ATF2: variants seen among roughly 807,000 people sequenced by gnomAD.
ATF2 encodes the protein cyclic AMP-dependent transcription factor ATF-2.
Under a neutral mutation model 60.6 loss-of-function variants are expected in ATF2, and 24 were observed. The ratio of observed to expected loss-of-function variants is 0.40; its 90% CI spans 0.29 to 0.56. The LOEUF is 0.56. Ranked by LOEUF, ATF2 falls within the 20% of genes least tolerant of loss-of-function variation. The pLI, the probability that ATF2 is intolerant of heterozygous loss-of-function variation, is 0.54. For missense variants in ATF2, 433 were observed against 607.7 expected (o/e 0.71, Z 3.02); for synonymous variants, 206 against 215.4 (o/e 0.96, Z 0.38).
intron 11 of ATF2, among the ~76,000 whole-genome samples, chr2:175,096,317 A>G (rs1179040318): frequency 6.6e-6 from 1 of 152,218 alleles, no homozygotes; most frequent in Admixed American, 6.5e-5. Context: ...AGGGGTCTCT[A>G]GTATAAATAG....
chr2:175,141,300 A>C (rs1223686328), intron 2 of ATF2, among the ~76,000 whole-genome samples: 1 of 151,478 alleles, frequency 6.6e-6, no homozygotes, highest in Non-Finnish European at 1.5e-5. Flanking sequence ...CACATCCTAC[A>C]AAAACTCAGC....
intron 2 of ATF2, among the ~76,000 whole-genome samples, chr2:175,144,092 T>C (rs56964914): frequency 0.096 from 14,542 of 152,144 alleles, 774 homozygotes; most frequent in Middle Eastern, 0.17. Context: ...CTGCACCTGA[T>C]TCTTTGCCCA....
chr2:175,096,639 G>A (rs1191688779), intron 11 of ATF2, among the ~76,000 whole-genome samples: 1 of 152,160 alleles, frequency 6.6e-6, no homozygotes, highest in Admixed American at 6.5e-5. Context: ...AATGGTTGTA[G>A]ATGGCAACAC....
chr2:175,094,916 T>C (rs924407115), intron 11 of ATF2, among the ~76,000 whole-genome samples: 3 of 152,132 alleles, frequency 2.0e-5, no homozygotes, highest in African/African-American at 7.2e-5. Flanking sequence ...GTACTCCGCA[T>C]GGGCAACAGA....
chr2:175,093,284 T>C lies in ATF2; in HGVS notation c.979-17A>G, dbSNP rs1200098231. ...TGGAGAAGCCTATTATAAACAGAGA[T>C]GAAAGCCTGTTATATTTGTATCTAG... On this transcript the variant is annotated splice_polypyrimidine_tract_variant and intron_variant, in intron 11 of 13. Transcript: ENST00000264110. The C allele has an allele frequency of 2.5e-6, 4 of 1,609,890 alleles. No homozygotes were observed. The highest frequency in any genetic ancestry group is 3.4e-6 in the Non-Finnish European group (4 of 1,177,252).
intron 10 of ATF2, among the ~76,000 whole-genome samples, chr2:175,102,597 C>A (rs1367095856): frequency 1.3e-5 from 2 of 151,934 alleles, no homozygotes; most frequent in Non-Finnish European, 2.9e-5. Context: ...GGTAAAACTC[C>A]ATTTCTACAA....
At chr2:175,082,879 T>C (rs897084133) in intron 12 of ATF2, among the ~76,000 whole-genome samples, 1 of 152,168 alleles carries the variant, frequency 6.6e-6, no homozygotes, top group Non-Finnish European at 1.5e-5. Context: ...TTAGAATGCA[T>C]AGGAAAGCAT....
chr2:175,150,111 G>A (rs1389283066), intron 2 of ATF2, among the ~76,000 whole-genome samples: 2 of 152,152 alleles, frequency 1.3e-5, no homozygotes, highest in African/African-American at 2.4e-5. Context: ...AGGTATCACA[G>A]AGTAAGAAAA....
chr2:175,106,724 T>C (rs1016011593), intron 10 of ATF2, among the ~76,000 whole-genome samples: 2 of 151,734 alleles, frequency 1.3e-5, no homozygotes, highest in African/African-American at 4.8e-5. Context: ...TAATCCCAGC[T>C]ACTCGGGAGG....
intron 2 of ATF2, among the ~76,000 whole-genome samples, chr2:175,144,492 G>T (rs889287042): frequency 2.6e-5 from 4 of 152,140 alleles, no homozygotes; most frequent in African/African-American, 9.7e-5. Context: ...ATGAATAGAA[G>T]AAAATGGAAG....
intron 1 of ATF2, among the ~76,000 whole-genome samples, chr2:175,158,498 A>G (rs1383681172): frequency 1.3e-5 from 2 of 152,110 alleles, no homozygotes; most frequent in East Asian, 3.9e-4. Context: ...TTTAAAATGG[A>G]TAACTTAAAA....
At chr2:175,125,876 C>T (rs1221895408) in intron 4 of ATF2, among the ~76,000 whole-genome samples, 1 of 152,126 alleles carries the variant, frequency 6.6e-6, no homozygotes, top group Non-Finnish European at 1.5e-5. Flanking sequence ...GGACCCCACT[C>T]CTGCAATGGT....
chr2:175,133,672 T>C (rs1304921800), intron 3 of ATF2, among the ~76,000 whole-genome samples: 2 of 152,132 alleles, frequency 1.3e-5, no homozygotes, highest in Non-Finnish European at 2.9e-5. Context: ...ATGAATTCTA[T>C]CTCACATTAT....
chr2:175,113,655 A>G (rs1379496089), intron 9 of ATF2, among the ~76,000 whole-genome samples: 1 of 152,136 alleles, frequency 6.6e-6, no homozygotes, highest in East Asian at 1.9e-4. Context: ...CCATACTAAT[A>G]GAAATACCAC....
intron 5 of ATF2, 134 bp from the exon 6 acceptor site, chr2:175,118,503 T>G (rs148798624): frequency 2.1e-5 from 15 of 699,568 alleles, no homozygotes; most frequent in Non-Finnish European, 3.2e-5. Flanking sequence ...CCTCTTCCTT[T>G]AAAACAAACA....
In ATF2 at chr2:175,122,302, AT is replaced by A. The variant is rs1326983646; in HGVS notation, c.103-763del. ...CAACATAATAAATGCATTATCTCCA[AT>A]GTCTGAACATCAACATTTTTGAAGA... On this transcript the variant is annotated intron_variant, in intron 4 of 13. Coordinates refer to ENST00000264110, the MANE Select transcript of ATF2 (RefSeq NM_001880.4). 3.3e-5 allele frequency among the ~76,000 whole-genome samples: 5 copies of A among 152,106 alleles called. No individual in the cohort carries two copies. The East Asian group carries it at 9.7e-4, about 29-fold the overall frequency.
At position 175,097,518 on chromosome 2, in the gene ATF2, A is replaced by G. The variant is rs1695013452; in HGVS notation, c.904T>C (p.Leu302=). 9 of 1,614,148 alleles carry G rather than the reference A, an allele frequency of 5.6e-6. No homozygotes were observed. The highest frequency in any genetic ancestry group is 1.6e-4 in the Middle Eastern group (1 of 6,062). The change falls in exon 11 of 14, where the codon TTG becomes CTG. Residue 302 remains leucine, a synonymous_variant. Coordinates refer to ENST00000264110, the MANE Select transcript of ATF2 (RefSeq NM_001880.4). ...GDTVKGHGSG[L]VRTQSEESRP... is the part of the protein sequence containing the mutation. ...GATTCCTCTGACTGAGTCCTAACCA[A>G]TCCGCTACCATGACCTTTGACAGTA...
chr2:175,119,184 CTT>C (rs1243676788), intron 5 of ATF2, among the ~76,000 whole-genome samples: 1 of 151,616 alleles, frequency 6.6e-6, no homozygotes, highest in African/African-American at 2.4e-5. Context: ...AAGCAAGAAA[CTT>C]ATAAATTCTG....
rs114656234 is a variant in ATF2 at position 175,137,475 on chromosome 2, G to A, written c.-43-989C>T. Among the ~76,000 whole-genome samples, 313 of 152,268 alleles carry A rather than the reference G, an allele frequency of 2.1e-3. 1 individual carries two copies. Among genetic ancestry groups the A allele is most frequent in the African/African-American group, 7.2e-3 (301 of 41,554 alleles). On this transcript the variant is annotated intron_variant, in intron 2 of 13. Transcript: ENST00000264110. ...TCTTTGGGTTAACACCTACAACAGC[G>A]CCTAGCTCAGTTTAGTACAAGGAAT...
Sources: allele counts gnomAD v4.1 joint callset (sites outside exome capture counted in the v4.1 genomes callset), GRCh38; gene constraint gnomAD v4.1.1; transcripts MANE v1.5; gene names NCBI Gene and HGNC (gene_info 2026-07-23, HGNC 2026-07-21).